The following SLC44A5 variants were observed in gnomAD, a reference collection of about 807,000 sequenced individuals.
The protein encoded by SLC44A5 is choline transporter-like protein 5.
SLC44A5 carries 57 observed loss-of-function variants against 101.8 expected under a neutral mutation model. That is an observed-to-expected ratio of 0.56 (90% CI 0.45 to 0.70). The LOEUF (loss-of-function observed/expected upper bound fraction) is 0.70. Ranked by LOEUF, SLC44A5 falls within the 30% of genes least tolerant of loss-of-function variation. The pLI, the probability that SLC44A5 is intolerant of heterozygous loss-of-function variation, is 0.00. For missense variants in SLC44A5, 737 were observed against 853.1 expected (o/e 0.86, Z 1.70); for synonymous variants, 281 against 290.9 (o/e 0.97, Z 0.35).
chr1:75,299,429 C>T (rs1419268688), intron 5 of SLC44A5, among the ~76,000 whole-genome samples: 2 of 152,142 alleles, frequency 1.3e-5, no homozygotes, highest in Non-Finnish European at 2.9e-5. Flanking sequence ...GAAGATAAAA[C>T]TGAAGAGCAG....
At chr1:75,427,332 T>C (rs971684303) in intron 2 of SLC44A5, among the ~76,000 whole-genome samples, 1 of 152,210 alleles carries the variant, frequency 6.6e-6, no homozygotes, top group South Asian at 2.1e-4. Context: ...TTATTTCTCC[T>C]AAACAAATCA....
the SLC44A5 span, among the ~76,000 whole-genome samples, chr1:75,636,750 C>T: frequency 9.9e-5 from 15 of 152,100 alleles, no homozygotes; most frequent in African/African-American, 3.6e-4. Context: ...TTAACAAATG[C>T]TTTGACAGTT....
intron 6 of SLC44A5, among the ~76,000 whole-genome samples, chr1:75,260,171 TATAACA>T (rs1486242569): frequency 6.6e-6 from 1 of 152,076 alleles, no homozygotes; most frequent in Non-Finnish European, 1.5e-5. Context: ...CAAATTCACA[TATAACA>T]ATATTAACCT....
intron 1 of SLC44A5, among the ~76,000 whole-genome samples, chr1:75,559,211 ACTCAGTGTCTGG>A (rs1672383916): frequency 6.6e-6 from 1 of 152,098 alleles, no homozygotes; most frequent in Admixed American, 6.6e-5. Flanking sequence ...CCTAATAGGT[ACTCAGTGTCTGG>A]CTCAGTCAAG....
chr1:75,619,175 A>G, the SLC44A5 span, among the ~76,000 whole-genome samples: 4 of 146,544 alleles, frequency 2.7e-5, no homozygotes, highest in African/African-American at 5.1e-5. Flanking sequence ...TGAGACAGGG[A>G]GGATGGAAGG....
chr1:75,327,953 C>T (rs1382015321), intron 4 of SLC44A5, among the ~76,000 whole-genome samples: 1 of 152,178 alleles, frequency 6.6e-6, no homozygotes. Flanking sequence ...CTGTTAGTTT[C>T]TGAAGGACTG....
At chr1:75,532,668 A>C (rs1184508815) in intron 2 of SLC44A5, among the ~76,000 whole-genome samples, 3 of 152,376 alleles carry the variant, frequency 2.0e-5, no homozygotes, top group East Asian at 3.9e-4. Context: ...TAAAACTGCC[A>C]AAGATTTTTG....
chr1:75,459,022 A>G (rs1666345344), intron 2 of SLC44A5, among the ~76,000 whole-genome samples: 1 of 152,224 alleles, frequency 6.6e-6, no homozygotes, highest in African/African-American at 2.4e-5. Context: ...AACTAAAGCC[A>G]GAAGAATGGA....
At chr1:75,286,602 G>A (rs1653072214) in intron 5 of SLC44A5, among the ~76,000 whole-genome samples, 1 of 151,976 alleles carries the variant, frequency 6.6e-6, no homozygotes, top group Non-Finnish European at 1.5e-5. Flanking sequence ...GTGCTATTTT[G>A]GTGTATTTTG....
rs560903351 is a variant in SLC44A5 at position 75,447,335 on chromosome 1, T to C, written c.14-50714A>G. Among the ~76,000 whole-genome samples, 34 of 152,294 alleles carry C rather than the reference T, an allele frequency of 2.2e-4. No homozygotes were observed. The Middle Eastern group carries it at 0.01, about 46-fold the overall frequency. ...AAAGCTCATAAAATTTCAAGTGAGG[T>C]TAATATGGATTTTGTAAAGTAAGGA... is the stretch of plus-strand genomic sequence containing the variant. On this transcript the variant is annotated intron_variant, in intron 2 of 23. Coordinates refer to ENST00000370859, the MANE Select transcript of SLC44A5 (RefSeq NM_001130058.2).
intron 1 of SLC44A5, among the ~76,000 whole-genome samples, chr1:75,556,988 A>G (rs2101996831): frequency 6.6e-6 from 1 of 152,268 alleles, no homozygotes; most frequent in East Asian, 1.9e-4. Flanking sequence ...TGAATCCCCT[A>G]GCTTCCTCAG....
chr1:75,569,302 A>AT (rs1672950485), intron 1 of SLC44A5, among the ~76,000 whole-genome samples: 1 of 144,084 alleles, frequency 6.9e-6, no homozygotes, highest in Admixed American at 7.3e-5. Flanking sequence ...GTGCAGCAGC[A>AT]TAATCATGGC....
the SLC44A5 span, among the ~76,000 whole-genome samples, chr1:75,688,896 C>T: frequency 6.6e-6 from 1 of 152,124 alleles, no homozygotes; most frequent in African/African-American, 2.4e-5. Flanking sequence ...TCATCTAGTT[C>T]AAGACTTATG....
At chr1:75,373,045 T>C (rs1184953726) in intron 3 of SLC44A5, among the ~76,000 whole-genome samples, 1 of 152,204 alleles carries the variant, frequency 6.6e-6, no homozygotes, top group Non-Finnish European at 1.5e-5. Flanking sequence ...ATCTGAATAT[T>C]GGTATTTAGA....
chr1:75,719,959 C>T, the SLC44A5 span, among the ~76,000 whole-genome samples: 2 of 152,180 alleles, frequency 1.3e-5, no homozygotes, highest in African/African-American at 4.8e-5. Context: ...AAAGCAACGC[C>T]ACCTAGGATG....
chr1:75,689,567 G>A, the SLC44A5 span, among the ~76,000 whole-genome samples: 1 of 152,138 alleles, frequency 6.6e-6, no homozygotes, highest in Non-Finnish European at 1.5e-5. Context: ...AAATAGTCAG[G>A]GAAATAACAA....
intron 4 of SLC44A5, among the ~76,000 whole-genome samples, chr1:75,301,369 T>C (rs569128868): frequency 1.1e-4 from 17 of 152,292 alleles, no homozygotes; most frequent in African/African-American, 4.1e-4. Flanking sequence ...AACTAAAGTA[T>C]TTTCTATTCC....
intron 3 of SLC44A5, among the ~76,000 whole-genome samples, chr1:75,389,729 C>G (rs1661656164): frequency 6.6e-6 from 1 of 152,028 alleles, no homozygotes. Context: ...CTCAAATTAA[C>G]AATCTAATAT....
intron 2 of SLC44A5, among the ~76,000 whole-genome samples, chr1:75,437,166 C>T (rs1462079036): frequency 6.6e-6 from 1 of 152,070 alleles, no homozygotes; most frequent in African/African-American, 2.4e-5. Context: ...TATATAAATA[C>T]ATAAATCAGT....
Sources: gnomAD v4.1 joint callset for allele counts (sites outside exome capture counted in the v4.1 genomes callset) on GRCh38, gnomAD v4.1.1 for gene constraint, MANE v1.5 for transcripts, NCBI Gene and HGNC (gene_info 2026-07-23, HGNC 2026-07-21) for gene names.